APBA1: variants seen among roughly 807,000 people sequenced by gnomAD.
APBA1 encodes the protein amyloid-beta A4 precursor protein-binding family A member 1.
Under a neutral mutation model 86.6 loss-of-function variants are expected in APBA1, and 55 were observed. That is an observed-to-expected ratio of 0.64 (90% CI 0.51 to 0.80). The LOEUF is 0.80. Among genes scored for constraint, APBA1 ranks in the 30% least tolerant of loss-of-function variants. APBA1 has a pLI of 0.00. For missense variants in APBA1, 1,090 were observed against 1,183.0 expected (o/e 0.92, Z 1.15); for synonymous variants, 511 against 493.9 (o/e 1.03, Z -0.46).
chr9:69,544,264 A>C (rs1481062666), intron 1 of APBA1, among the ~76,000 whole-genome samples: 2 of 152,248 alleles, frequency 1.3e-5, no homozygotes, highest in Non-Finnish European at 2.9e-5. Context: ...TGCAAATTAC[A>C]AGTCATGCTT....
chr9:69,637,419 T>C (rs1823202871), intron 1 of APBA1, among the ~76,000 whole-genome samples: 1 of 152,234 alleles, frequency 6.6e-6, no homozygotes, highest in Non-Finnish European at 1.5e-5. Flanking sequence ...AGGTGATGGA[T>C]AGCCCATTTA....
intron 1 of APBA1, among the ~76,000 whole-genome samples, chr9:69,585,596 A>G (rs1196508457): frequency 6.6e-6 from 1 of 152,100 alleles, no homozygotes; most frequent in Non-Finnish European, 1.5e-5. Context: ...AGGTCCCCAC[A>G]ATTCAGTCCT....
intron 1 of APBA1, among the ~76,000 whole-genome samples, chr9:69,596,449 G>A (rs542787174): frequency 3.9e-5 from 6 of 152,208 alleles, no homozygotes; most frequent in African/African-American, 7.2e-5. Flanking sequence ...GGCTCATGGC[G>A]AATGAACAAG....
At chr9:69,456,784 A>G (rs1835105550) in intron 7 of APBA1, among the ~76,000 whole-genome samples, 1 of 152,244 alleles carries the variant, frequency 6.6e-6, no homozygotes, top group Admixed American at 6.5e-5. Context: ...TTCTTAAAAG[A>G]CAAATTTGTT....
At chr9:69,546,342 G>A (rs1003282988) in intron 1 of APBA1, among the ~76,000 whole-genome samples, 32 of 152,186 alleles carry the variant, frequency 2.1e-4, no homozygotes, top group African/African-American at 7.5e-4. Context: ...CCAGAGATAT[G>A]TTGTGGGTTG....
intron 1 of APBA1, among the ~76,000 whole-genome samples, chr9:69,603,051 T>C (rs1422010485): frequency 6.6e-6 from 1 of 152,090 alleles, no homozygotes; most frequent in African/African-American, 2.4e-5. Flanking sequence ...TGAAACTAAA[T>C]AGCTAAAGAG....
chr9:69,467,410 G>A (rs1228285), intron 5 of APBA1, among the ~76,000 whole-genome samples: 93,957 of 151,978 alleles, frequency 0.62, 30,962 homozygotes, highest in African/African-American at 0.87. Context: ...AACAGGATGG[G>A]CTGGTTCAAA....
chr9:69,650,056 A>G (rs917528778), intron 1 of APBA1, among the ~76,000 whole-genome samples: 1 of 152,244 alleles, frequency 6.6e-6, no homozygotes, highest in African/African-American at 2.4e-5. Context: ...ATGAATAAAC[A>G]GGAAGATGAG....
rs1564071251 is a variant in APBA1 at position 69,540,160 on chromosome 9, A to ACAAC, written c.-69-22882_-69-22881insGTTG. On this transcript the variant is annotated intron_variant, in intron 1 of 12. Transcript: ENST00000265381. ...CAACAACAACAACAACAACAACAAAAGTCACCTTATAAGACATGCTCCCTG... is the reference window on the plus strand; with the variant it reads ...CAACAACAACAACAACAACAACAAAACAACGTCACCTTATAAGACATGCTCCCTG... Among the ~76,000 whole-genome samples the ACAAC allele has an allele frequency of 5.2e-3, 795 of 152,090 alleles. 4 individuals carry two copies. The highest frequency in any genetic ancestry group is 0.018 in the African/African-American group (733 of 41,428).
intron 11 of APBA1, among the ~76,000 whole-genome samples, chr9:69,436,263 C>G (rs1466906930): frequency 1.3e-5 from 2 of 149,906 alleles, no homozygotes; most frequent in Admixed American, 1.3e-4. Context: ...GCAATGTGGG[C>G]TCTTTTTTGG....
intron 10 of APBA1, among the ~76,000 whole-genome samples, chr9:69,447,249 T>C (rs1262816463): frequency 6.6e-6 from 1 of 152,114 alleles, no homozygotes; most frequent in Admixed American, 6.5e-5. Flanking sequence ...GGAACACAAA[T>C]ATTACTCAAT....
chr9:69,570,860 C>T (rs1200718676), intron 1 of APBA1, among the ~76,000 whole-genome samples: 1 of 152,194 alleles, frequency 6.6e-6, no homozygotes, highest in Non-Finnish European at 1.5e-5. Context: ...TTAGAACTTC[C>T]ATTTTCCCTC....
intron 5 of APBA1, among the ~76,000 whole-genome samples, chr9:69,465,835 A>C (rs988661430): frequency 2.6e-5 from 4 of 152,196 alleles, no homozygotes; most frequent in Non-Finnish European, 5.9e-5. Flanking sequence ...AGAAGAAGAC[A>C]AACACCACAG....
At chr9:69,661,861 C>T (rs1291366169) in intron 1 of APBA1, among the ~76,000 whole-genome samples, 1 of 152,024 alleles carries the variant, frequency 6.6e-6, no homozygotes, top group African/African-American at 2.4e-5. Context: ...CCACTTTCCA[C>T]TATGAGTGGA....
intron 1 of APBA1, among the ~76,000 whole-genome samples, chr9:69,566,187 T>G (rs1354887109): frequency 2.6e-5 from 4 of 152,170 alleles, no homozygotes; most frequent in Non-Finnish European, 5.9e-5. Flanking sequence ...GTGCTGCATA[T>G]CCCCATAGCA....
At chr9:69,466,165 A>C (rs1835276166) in intron 5 of APBA1, among the ~76,000 whole-genome samples, 1 of 152,138 alleles carries the variant, frequency 6.6e-6, no homozygotes, top group Non-Finnish European at 1.5e-5. Context: ...AGGTGGTCAG[A>C]TCAGTGGGTG....
Position 69,431,176 on chromosome 9 carries a change from G to C in APBA1, c.*151C>G. ...AAAAAAAAAAAGCAAATCGGAGAGA[G>C]TAAAGAGGTCCTTGTGGATTCTTCT... On this transcript the variant is annotated 3_prime_UTR_variant, in exon 13 of 13. Coordinates refer to ENST00000265381, the MANE Select transcript of APBA1 (RefSeq NM_001163.4). The C allele has an allele frequency of 2.0e-6, 1 of 504,446 alleles. No homozygotes were observed. Among genetic ancestry groups the C allele is most frequent in the South Asian group, 3.1e-5 (1 of 32,578 alleles). The allele number at this position is 504,446 out of a possible 1,614,324, so 31.2% of individuals were successfully genotyped here.
chr9:69,502,466 A>C (rs1330007675), intron 2 of APBA1, among the ~76,000 whole-genome samples: 1 of 151,930 alleles, frequency 6.6e-6, no homozygotes, highest in Non-Finnish European at 1.5e-5. Context: ...ATGGGATTTC[A>C]GGGTGAAGCC....
intron 9 of APBA1, 46 bp from the exon 10 acceptor site, chr9:69,449,842 G>C (rs1339119140): frequency 6.5e-7 from 1 of 1,547,366 alleles, no homozygotes; most frequent in Non-Finnish European, 8.8e-7. Flanking sequence ...GTGACCATCT[G>C]GGGTAGGTAG....
Sources: gnomAD v4.1 joint callset for allele counts (sites outside exome capture counted in the v4.1 genomes callset) on GRCh38, gnomAD v4.1.1 for gene constraint, MANE v1.5 for transcripts, NCBI Gene and HGNC (gene_info 2026-07-23, HGNC 2026-07-21) for gene names.